The following TAF4B variants were observed in gnomAD, a reference collection of about 807,000 sequenced individuals.
TAF4B encodes transcription initiation factor TFIID subunit 4B.
In TAF4B, 38 loss-of-function variants were observed where a neutral mutation model predicts 86.4. That is an observed-to-expected ratio of 0.44 (90% CI 0.34 to 0.58). The LOEUF (loss-of-function observed/expected upper bound fraction) is 0.58. Ranked by LOEUF, TAF4B falls within the 20% of genes least tolerant of loss-of-function variation. The pLI, the probability that TAF4B is intolerant of heterozygous loss-of-function variation, is 0.02. For missense variants in TAF4B, 988 were observed against 1,027.6 expected (o/e 0.96, Z 0.53); for synonymous variants, 388 against 391.2 (o/e 0.99, Z 0.10).
intron 14 of TAF4B, among the ~76,000 whole-genome samples, chr18:26,380,008 C>A (rs1455271065): frequency 6.6e-6 from 1 of 151,966 alleles, no homozygotes; most frequent in Non-Finnish European, 1.5e-5. Flanking sequence ...GATCTTGTAT[C>A]CTCCATTCTG....
chr18:26,294,482 G>A (rs778990977), intron 9 of TAF4B, among the ~76,000 whole-genome samples: 1 of 150,448 alleles, frequency 6.6e-6, no homozygotes, highest in Non-Finnish European at 1.5e-5. Context: ...GGTTTCTTAC[G>A]ATCAAGTGTT....
At chr18:26,246,171 A>AT (rs2055920923) in intron 1 of TAF4B, among the ~76,000 whole-genome samples, 1 of 152,236 alleles carries the variant, frequency 6.6e-6, no homozygotes, top group Non-Finnish European at 1.5e-5. Flanking sequence ...TGGTAAGAAT[A>AT]TATGAGCATT....
chr18:26,276,871 CAT>C (rs1237487034), intron 5 of TAF4B, among the ~76,000 whole-genome samples: 5 of 152,058 alleles, frequency 3.3e-5, no homozygotes, highest in East Asian at 1.9e-4. Flanking sequence ...AACCACAAAA[CAT>C]ATGTGTGAAT....
chr18:26,327,399 C>T (rs749015779), intron 12 of TAF4B, among the ~76,000 whole-genome samples: 3 of 152,078 alleles, frequency 2.0e-5, no homozygotes, highest in African/African-American at 4.8e-5. Context: ...TAAAATGTTT[C>T]GTAAAATTTC....
At chr18:26,236,373 C>T (rs1598707492) in intron 1 of TAF4B, among the ~76,000 whole-genome samples, 3 of 152,222 alleles carry the variant, frequency 2.0e-5, no homozygotes, top group Middle Eastern at 3.4e-3. Context: ...CGCTGGTGAC[C>T]AGGAGGAAGT....
rs183359051 is a variant in TAF4B at position 26,269,461 on chromosome 18, C to T, written c.597+1838C>T. 7.0e-4 allele frequency among the ~76,000 whole-genome samples: 106 copies of T among 152,130 alleles called. 1 individual carries two copies. Among genetic ancestry groups the T allele is most frequent in the Non-Finnish European group, 1.3e-3 (90 of 68,000 alleles). On this transcript the variant is annotated intron_variant, in intron 3 of 14. Transcript: ENST00000269142. The stretch of plus-strand genomic sequence containing the variant: ...AATATTTTACTAGACTCCTAGTTTC[C>T]GAGTCAAGACATATGTGATGAAACC...
At chr18:26,387,618 T>C (rs1296033081) in intron 14 of TAF4B, among the ~76,000 whole-genome samples, 1 of 152,146 alleles carries the variant, frequency 6.6e-6, no homozygotes, top group Non-Finnish European at 1.5e-5. Context: ...GGCTTACACT[T>C]GTACAAATTG....
chr18:26,226,824 G>C lies in TAF4B; in HGVS notation c.-110G>C. On this transcript the variant is annotated 5_prime_UTR_variant, in exon 1 of 15. Transcript: ENST00000269142. ...GCTGCGGCCCCCGCGCCTCTCCCCA[G>C]CGATGCTGTGGAACCCGAACCGCAC... 1 of 896,150 alleles carries C rather than the reference G, an allele frequency of 1.1e-6. No homozygotes were observed. The highest frequency in any genetic ancestry group is 3.1e-5 in the South Asian group (1 of 31,930). The allele number at this position is 896,150 out of a possible 1,614,324, so 55.5% of individuals were successfully genotyped here.
At position 26,389,841 on chromosome 18, in the gene TAF4B, T is replaced by G; in HGVS notation, c.2422-4T>G. ...CAAATTGCTTTTCCTTTTATTATTT[T>G]TAGGGCTTAAAAGACAACCTTCTTG... On this transcript the variant is annotated splice_region_variant and splice_polypyrimidine_tract_variant and intron_variant, in intron 14 of 14. Transcript: ENST00000269142. The G allele has an allele frequency of 6.2e-7, 1 of 1,600,772 alleles. No individual in the cohort carries two copies. Among genetic ancestry groups the G allele is most frequent in the Non-Finnish European group, 8.5e-7 (1 of 1,176,544 alleles).
chr18:26,336,216 G>A (rs1454639960), intron 13 of TAF4B, among the ~76,000 whole-genome samples: 1 of 152,188 alleles, frequency 6.6e-6, no homozygotes, highest in African/African-American at 2.4e-5. Context: ...CTGATTTCAT[G>A]CAATTTTTAA....
chr18:26,315,930 C>T lies in TAF4B; in HGVS notation c.2002+532C>T, dbSNP rs544205414. Among the ~76,000 whole-genome samples, 13 of 152,242 alleles carry T rather than the reference C, an allele frequency of 8.5e-5. No homozygotes were observed. In the South Asian group the frequency reaches 1.9e-3, roughly 22 times the overall value. On this transcript the variant is annotated intron_variant, in intron 10 of 14. Coordinates refer to ENST00000269142, the MANE Select transcript of TAF4B (RefSeq NM_005640.3). ...AAATGTAAGAAAACACGGCCAGACA[C>T]GGTGTCTCATGCCTGTAATCCTAGC...
At position 26,226,849 on chromosome 18, in the gene TAF4B, C is replaced by A. The variant is rs55695885; in HGVS notation, c.-85C>A. 2.7e-3 allele frequency: 3,069 copies of A among 1,146,996 alleles called. 10 individuals carry two copies. Among genetic ancestry groups the A allele is most frequent in the Non-Finnish European group, 3.2e-3 (2,814 of 883,442 alleles). 71.1% of individuals were successfully genotyped at this position (1,146,996 alleles called of 1,614,324 possible). A position where few individuals can be genotyped will look rare whatever the true frequency, so the allele number is the denominator to read the frequency against. On this transcript the variant is annotated 5_prime_UTR_variant, in exon 1 of 15. Coordinates refer to ENST00000269142, the MANE Select transcript of TAF4B (RefSeq NM_005640.3). ...GCGATGCTGTGGAACCCGAACCGCA[C>A]CGGAGTCGGCTGCCGCGCGCCAAGC... is the stretch of plus-strand genomic sequence containing the variant.
At chr18:26,371,567 G>T (rs1372392126) in intron 14 of TAF4B, among the ~76,000 whole-genome samples, 1 of 152,170 alleles carries the variant, frequency 6.6e-6, no homozygotes, top group Admixed American at 6.5e-5. Flanking sequence ...TTACCGTAAT[G>T]GTCAGCAAAG....
intron 9 of TAF4B, among the ~76,000 whole-genome samples, chr18:26,299,846 G>C (rs1017556002): frequency 6.6e-6 from 1 of 152,050 alleles, no homozygotes; most frequent in African/African-American, 2.4e-5. Flanking sequence ...AATGTGTATA[G>C]ATGCTTTAAT....
intron 13 of TAF4B, among the ~76,000 whole-genome samples, chr18:26,350,489 T>C (rs2057235913): frequency 6.6e-6 from 1 of 152,078 alleles, no homozygotes; most frequent in Non-Finnish European, 1.5e-5. Flanking sequence ...CTGGGCAACA[T>C]AGAGACCCCG....
chr18:26,290,643 T>G (rs1419916770), intron 7 of TAF4B, among the ~76,000 whole-genome samples: 2 of 152,236 alleles, frequency 1.3e-5, no homozygotes, highest in African/African-American at 4.8e-5. Context: ...GAACCCCCTC[T>G]TAGTCTTCCC....
intron 6 of TAF4B, 62 bp from the exon 7 acceptor site, chr18:26,285,820 A>G: frequency 6.5e-7 from 1 of 1,545,116 alleles, no homozygotes; most frequent in Non-Finnish European, 8.7e-7. Context: ...GAAATACCAC[A>G]TTTTGTTTCA....
Position 26,226,587 on chromosome 18 carries a change from G to A in TAF4B, c.-347G>A, listed in dbSNP as rs866168501. On this transcript the variant is annotated 5_prime_UTR_variant, in exon 1 of 15. Transcript: ENST00000269142. The stretch of plus-strand genomic sequence containing the variant: ...CAGTTAGGCTCGAGGTGTGAGCGAC[G>A]ACCTTCCGGGAGCCGCAAGTCCAGG... 44 of 209,842 alleles carry A rather than the reference G, an allele frequency of 2.1e-4. No individual in the cohort carries two copies. In the Admixed American group the frequency reaches 2.1e-3, roughly 10 times the overall value. 13.0% of individuals were successfully genotyped at this position (209,842 alleles called of 1,614,324 possible).
intron 10 of TAF4B, among the ~76,000 whole-genome samples, chr18:26,316,058 G>A (rs990875954): frequency 2.0e-5 from 3 of 152,024 alleles, no homozygotes; most frequent in African/African-American, 7.2e-5. Context: ...CAGAAAATTA[G>A]CCAGGTGTGG....
Sources: gnomAD v4.1 joint callset for allele counts (sites outside exome capture counted in the v4.1 genomes callset) on GRCh38, gnomAD v4.1.1 for gene constraint, MANE v1.5 for transcripts, NCBI Gene and HGNC (gene_info 2026-07-23, HGNC 2026-07-21) for gene names.